Variants in DMAP1 observed in about 807,000 individuals in gnomAD.
The protein encoded by DMAP1 is DNA methyltransferase 1-associated protein 1.
A neutral mutation model predicts 52.7 loss-of-function variants in DMAP1; 26 were observed. The ratio of observed to expected loss-of-function variants is 0.49; its 90% CI spans 0.36 to 0.68. DMAP1 has a LOEUF of 0.68. Among genes scored for constraint, DMAP1 ranks in the 30% least tolerant of loss-of-function variants. The pLI is 0.00. For missense variants in DMAP1, 439 were observed against 625.2 expected (o/e 0.70, Z 3.18); for synonymous variants, 231 against 246.0 (o/e 0.94, Z 0.57).
intron 6 of DMAP1, 70 bp from the exon 7 acceptor site, chr1:44,219,336 T>C (rs1352534829): frequency 5.8e-6 from 9 of 1,551,392 alleles, no homozygotes; most frequent in Non-Finnish European, 7.8e-6. Context: ...CCAGTGCTGA[T>C]GGGGTGCTAG....
chr1:44,218,042 C>G lies in DMAP1; in HGVS notation c.394-269C>G, dbSNP rs1448391293. The G allele has an allele frequency of 3.7e-6, 2 of 547,374 alleles. No homozygotes were observed. The highest frequency in any genetic ancestry group is 1.9e-5 in the African/African-American group (1 of 52,924). The allele number at this position is 547,374 out of a possible 1,614,324, so 33.9% of individuals were successfully genotyped here. A position where few individuals can be genotyped will look rare whatever the true frequency, so the allele number is the denominator to read the frequency against. ...CTTACATGTGGGCCCCTCACCTTAACTATGGGGGCAGGAGTGTGTGTCCCA... is the reference window on the plus strand; with the variant it reads ...CTTACATGTGGGCCCCTCACCTTAAGTATGGGGGCAGGAGTGTGTGTCCCA... On this transcript the variant is annotated intron_variant, in intron 3 of 9. Transcript: ENST00000372289. The surrounding 1 kb of genome is among the most constrained non-coding windows in gnomAD (Gnocchi z 5.6).
rs1643831492 is a variant in DMAP1, at chr1:44,218,144, GC to G, written c.394-166del. On this transcript the variant is annotated intron_variant, in intron 3 of 9. Coordinates refer to ENST00000372289, the MANE Select transcript of DMAP1 (RefSeq NM_019100.5). This position sits in a 1 kb window ranked among gnomAD's most constrained non-coding sequence, Gnocchi z 5.6. ...GAGGCAGGCTACAGTCCCAAACCCT[GC>G]TAGGACCTCTAGTCAAGCAGACAAG... 4.5e-6 allele frequency: 4 copies of G among 890,706 alleles called. No homozygotes were observed. Among genetic ancestry groups the G allele is most frequent in the Non-Finnish European group, 7.4e-6 (4 of 540,332 alleles). The allele number at this position is 890,706 out of a possible 1,614,324, so 55.2% of individuals were successfully genotyped here. A position where few individuals can be genotyped will look rare whatever the true frequency, so the allele number is the denominator to read the frequency against.
At chr1:44,219,738 C>T in intron 7 of DMAP1, 68 bp from the exon 8 acceptor site, 3 of 1,568,828 alleles carry the variant, frequency 1.9e-6, no homozygotes, top group Non-Finnish European at 2.6e-6. Context: ...TTTCCCTCTG[C>T]CTTTTGTCCC....
intron 9 of DMAP1, 54 bp from the exon 10 acceptor site, chr1:44,220,505 C>T (rs576318127): frequency 6.2e-7 from 1 of 1,614,110 alleles, no homozygotes; most frequent in African/African-American, 1.3e-5. Context: ...ATGCACTAAG[C>T]CTGACTCAGG....
At position 44,218,603 on chromosome 1, in the gene DMAP1, G is replaced by A. The variant is rs1389765793; in HGVS notation, c.568G>A (p.Asp190Asn). 2 of 1,611,202 alleles carry A rather than the reference G, an allele frequency of 1.2e-6. No homozygotes were observed. Among genetic ancestry groups the A allele is most frequent in the Non-Finnish European group, 1.7e-6 (2 of 1,177,676 alleles). Residue 190 changes from aspartate to asparagine, a missense_variant, in exon 5 of 10, where the codon GAC becomes AAC. Coordinates refer to ENST00000372289, the MANE Select transcript of DMAP1 (RefSeq NM_019100.5). The surrounding 1 kb of genome is among the most constrained non-coding windows in gnomAD (Gnocchi z 5.6). ...TGCTCCTCAGAAGCGTTCTGTGGAAGACCTGAAGGAGCGGTACTACCACAT... is the reference window on the plus strand; with the variant it reads ...TGCTCCTCAGAAGCGTTCTGTGGAAAACCTGAAGGAGCGGTACTACCACAT... ...HQQFKKRSVE[D>N]LKERYYHICA...
chr1:44,220,164 G>A lies in DMAP1; in HGVS notation c.1199G>A (p.Arg400Gln), dbSNP rs1435165317. The change falls in exon 9 of 10, where the codon CGG becomes CAG. Residue 400 changes from arginine (R) to glutamine (Q), a missense_variant. Arg to Gln is a conservative substitution (Grantham distance 43). Coordinates refer to ENST00000372289, the MANE Select transcript of DMAP1 (RefSeq NM_019100.5). Reference protein sequence around the residue: ...MLRHRHEALARAGVLGGPATP... With the variant: ...MLRHRHEALAQAGVLGGPATP... ...CGGCACCGTCATGAGGCACTGGCCC[G>A]GGCTGGTGTGCTAGGGGGCCCTGCC... 6.2e-6 allele frequency: 10 copies of A among 1,610,668 alleles called. No homozygotes were observed. Among genetic ancestry groups the A allele is most frequent in the South Asian group, 1.1e-5 (1 of 90,890 alleles).
At chr1:44,219,724 C>T (rs1643870544) in intron 7 of DMAP1, 82 bp from the exon 8 acceptor site, 2 of 1,522,146 alleles carry the variant, frequency 1.3e-6, no homozygotes, top group Admixed American at 3.6e-5. Context: ...TCTCTTCCAC[C>T]ATCTTTCCCT....
At chr1:44,219,713 C>T (rs1643870358) in intron 7 of DMAP1, 93 bp from the exon 8 acceptor site, 1 of 1,472,428 alleles carries the variant, frequency 6.8e-7, no homozygotes, top group Non-Finnish European at 9.4e-7. Flanking sequence ...GTGTTACCGT[C>T]TCTCTTCCAC....
chr1:44,219,393 C>A lies in DMAP1; in HGVS notation c.907-13C>A. 6.4e-7 allele frequency: 1 copy of A among 1,570,486 alleles called. No homozygotes were observed. Among genetic ancestry groups the A allele is most frequent in the Non-Finnish European group, 8.6e-7 (1 of 1,162,838 alleles). On this transcript the variant is annotated splice_polypyrimidine_tract_variant and intron_variant, in intron 6 of 9. Transcript: ENST00000372289. ...CTGTGACACCTTGGTCTCCATAATG[C>A]CTTCTCCCCCAGGCTGTTCCTGAGA...
intron 8 of DMAP1, 58 bp from the exon 9 acceptor site, chr1:44,219,959 A>G (rs997898480): frequency 6.2e-7 from 1 of 1,607,460 alleles, no homozygotes; most frequent in Non-Finnish European, 8.5e-7. Flanking sequence ...GGGAGTTCAC[A>G]TTGCTGGCCC....
chr1:44,217,894 T>A, intron 3 of DMAP1: 1 of 280,892 alleles, frequency 3.6e-6, no homozygotes, highest in Non-Finnish European at 7.1e-6. Flanking sequence ...CAAGTCCCAC[T>A]GTGCCCACTG....
At chr1:44,215,511 A>G (rs1338854531) in intron 3 of DMAP1, 5 of 340,388 alleles carry the variant, frequency 1.5e-5, no homozygotes, top group Non-Finnish European at 2.9e-5. Flanking sequence ...AGGGGAAAAC[A>G]AACAACAAAC....
chr1:44,220,354 TGA>T, intron 9 of DMAP1, 45 bp downstream of exon 9: 1 of 1,521,436 alleles, frequency 6.6e-7, no homozygotes, highest in Non-Finnish European at 8.8e-7. Context: ...GCCCTGCGAG[TGA>T]GCACATGCAC....
intron 3 of DMAP1, chr1:44,215,676 G>C (rs1643777398): frequency 9.7e-6 from 2 of 206,048 alleles, no homozygotes; most frequent in Non-Finnish European, 2.0e-5. Flanking sequence ...CGTGGCATTT[G>C]AGCTGGATGC....
chr1:44,213,966 A>G lies in DMAP1; in HGVS notation c.105+108A>G. On this transcript the variant is annotated intron_variant, in intron 1 of 9. Transcript: ENST00000372289. This position sits in a 1 kb window ranked among gnomAD's most constrained non-coding sequence, Gnocchi z 4.5. ...TGCTACACTTACAGTGAGTTGGGCG[A>G]TAAAAGGGGTGACATAACAGGACAG... The G allele has an allele frequency of 1.0e-6, 1 of 998,604 alleles. No individual in the cohort carries two copies. Among genetic ancestry groups the G allele is most frequent in the Non-Finnish European group, 1.5e-6 (1 of 661,324 alleles). 61.9% of individuals were successfully genotyped at this position (998,604 alleles called of 1,614,324 possible).
chr1:44,213,872 C>CT lies in DMAP1; in HGVS notation c.105+15dup. ...AACCCGGACAAGGTAGCAGGGGCAC[C>CT]TGAAAGCGTTGACTAGGGGAGGGTA... is the stretch of plus-strand genomic sequence containing the variant. On this transcript the variant is annotated intron_variant, in intron 1 of 9. Transcript: ENST00000372289. This position sits in a 1 kb window ranked among gnomAD's most constrained non-coding sequence, Gnocchi z 4.5. The CT allele has an allele frequency of 1.3e-6, 2 of 1,569,638 alleles. No homozygotes were observed. Among genetic ancestry groups the CT allele is most frequent in the Non-Finnish European group, 1.7e-6 (2 of 1,157,496 alleles).
chr1:44,219,395 T>A lies in DMAP1; in HGVS notation c.907-11T>A, dbSNP rs1292487165. The A allele has an allele frequency of 1.3e-6, 2 of 1,571,832 alleles. No homozygotes were observed. The highest frequency in any genetic ancestry group is 4.5e-5 in the East Asian group (2 of 44,774). Reference sequence around the variant, plus strand: ...GTGACACCTTGGTCTCCATAATGCCTTCTCCCCCAGGCTGTTCCTGAGACT... The same window carrying A: ...GTGACACCTTGGTCTCCATAATGCCATCTCCCCCAGGCTGTTCCTGAGACT... On this transcript the variant is annotated splice_polypyrimidine_tract_variant and intron_variant, in intron 6 of 9. Coordinates refer to ENST00000372289, the MANE Select transcript of DMAP1 (RefSeq NM_019100.5).
chr1:44,213,879 C>T lies in DMAP1; in HGVS notation c.105+21C>T, dbSNP rs1322276479. 1.9e-6 allele frequency: 3 copies of T among 1,562,380 alleles called. No homozygotes were observed. Among genetic ancestry groups the T allele is most frequent in the South Asian group, 2.4e-5 (2 of 84,708 alleles). The stretch of plus-strand genomic sequence containing the variant: ...ACAAGGTAGCAGGGGCACCTGAAAG[C>T]GTTGACTAGGGGAGGGTAGGGGAGT... On this transcript the variant is annotated intron_variant, in intron 1 of 9. Transcript: ENST00000372289. This position sits in a 1 kb window ranked among gnomAD's most constrained non-coding sequence, Gnocchi z 4.5.
chr1:44,213,505 G>A lies in DMAP1; in HGVS notation c.-249G>A, dbSNP rs1643724264. The A allele has an allele frequency of 2.1e-6, 1 of 465,398 alleles. No homozygotes were observed. Among genetic ancestry groups the A allele is most frequent in the Non-Finnish European group, 3.9e-6 (1 of 257,530 alleles). The allele number at this position is 465,398 out of a possible 1,614,324, so 28.8% of individuals were successfully genotyped here. A position where few individuals can be genotyped will look rare whatever the true frequency, so the allele number is the denominator to read the frequency against. On this transcript the variant is annotated 5_prime_UTR_variant, in exon 1 of 10. Coordinates refer to ENST00000372289, the MANE Select transcript of DMAP1 (RefSeq NM_019100.5). The surrounding 1 kb of genome is among the most constrained non-coding windows in gnomAD (Gnocchi z 4.5). Reference sequence around the variant, plus strand: ...TTGCGGGGACGGGGGAGTGGTAGTGGGGGCTGCAGCTGCCGGACCCAGGTG... The same window carrying A: ...TTGCGGGGACGGGGGAGTGGTAGTGAGGGCTGCAGCTGCCGGACCCAGGTG...
Sources: gnomAD v4.1 joint callset for allele counts on GRCh38, gnomAD v4.1.1 for gene constraint, Gnocchi (gnomAD v3.1) non-coding constraint, MANE v1.5 for transcripts, NCBI Gene and HGNC (gene_info 2026-07-23, HGNC 2026-07-21) for gene names.